Variants in KIRREL1 observed in about 807,000 individuals in gnomAD.
KIRREL1 encodes the protein kin of IRRE-like protein 1.
In KIRREL1, 25 loss-of-function variants were observed where a neutral mutation model predicts 83.3. That is an observed-to-expected ratio of 0.30 (90% CI 0.22 to 0.42). The LOEUF (loss-of-function observed/expected upper bound fraction) is 0.42, where lower values mean the gene tolerates loss of function less well. Among genes scored for constraint, KIRREL1 ranks in the 10% least tolerant of loss-of-function variants. The probability of loss-of-function intolerance (pLI) is 1.00; values close to 1 mark genes in which losing one functional copy is unlikely to be tolerated. For missense variants in KIRREL1, 812 were observed against 1,032.3 expected (o/e 0.79, Z 2.92); for synonymous variants, 388 against 410.4 (o/e 0.95, Z 0.66).
chr1:158,073,314 C>A (rs1326950052), intron 1 of KIRREL1, among the ~76,000 whole-genome samples: 1 of 152,218 alleles, frequency 6.6e-6, no homozygotes, highest in Non-Finnish European at 1.5e-5. Flanking sequence ...AACTTCAAAA[C>A]TGCCAGAAAG....
intron 1 of KIRREL1, chr1:158,025,435 G>A (rs1220397670): frequency 6.6e-6 from 1 of 152,092 alleles, no homozygotes; most frequent in Non-Finnish European, 1.5e-5. Flanking sequence ...CTCTGAGGAG[G>A]GACAAAGGCT....
chr1:158,032,182 T>A (rs1305873765), intron 1 of KIRREL1, among the ~76,000 whole-genome samples: 1 of 152,096 alleles, frequency 6.6e-6, no homozygotes, highest in Non-Finnish European at 1.5e-5. Flanking sequence ...TGATGGGAAC[T>A]GGGGACTGGT....
chr1:158,047,260 C>T (rs1309738147), intron 1 of KIRREL1, among the ~76,000 whole-genome samples: 1 of 152,160 alleles, frequency 6.6e-6, no homozygotes, highest in Admixed American at 6.5e-5. Flanking sequence ...GGCCTAGGCA[C>T]CAGGGGTCGT....
At chr1:158,067,057 G>C (rs1411703182) in intron 1 of KIRREL1, among the ~76,000 whole-genome samples, 3 of 152,168 alleles carry the variant, frequency 2.0e-5, no homozygotes, top group South Asian at 4.1e-4. Context: ...GCATAGAGCT[G>C]TCCTACTAGG....
chr1:158,026,967 G>A (rs979470419), intron 1 of KIRREL1, among the ~76,000 whole-genome samples: 41 of 152,280 alleles, frequency 2.7e-4, no homozygotes, highest in African/African-American at 9.4e-4. Context: ...CAGTAAGCAA[G>A]CAATCCTTTA....
intron 1 of KIRREL1, among the ~76,000 whole-genome samples, chr1:158,074,845 G>A (rs552713318): frequency 4.5e-4 from 69 of 152,326 alleles, no homozygotes; most frequent in African/African-American, 1.5e-3. Context: ...GAGTGATGAT[G>A]GGGCAGATAA....
intron 1 of KIRREL1, among the ~76,000 whole-genome samples, chr1:158,058,370 A>C (rs1661123817): frequency 6.6e-6 from 1 of 152,136 alleles, no homozygotes; most frequent in African/African-American, 2.4e-5. Context: ...CGAGTTATTA[A>C]AAATCCTTCA....
chr1:158,001,534 C>T (rs910309519), intron 1 of KIRREL1, among the ~76,000 whole-genome samples: 6 of 152,218 alleles, frequency 3.9e-5, no homozygotes, highest in Admixed American at 2.6e-4. Flanking sequence ...TCATTGGTGC[C>T]GTGATAGCAG....
intron 1 of KIRREL1, among the ~76,000 whole-genome samples, chr1:158,005,853 A>G (rs893895160): frequency 4.6e-5 from 7 of 152,034 alleles, no homozygotes; most frequent in Non-Finnish European, 1.0e-4. Context: ...TGCGCGCAGA[A>G]CCCCAGGCTG....
intron 1 of KIRREL1, among the ~76,000 whole-genome samples, chr1:158,032,535 T>G (rs1195574918): frequency 2.1e-5 from 3 of 144,196 alleles, no homozygotes; most frequent in Non-Finnish European, 4.4e-5. Context: ...AAGGCAGAAT[T>G]TAAAAACTAT....
Position 157,993,770 on chromosome 1 carries a change from C to G in KIRREL1, c.52+42C>G, listed in dbSNP as rs1352072088. ...CACCCCCGGACGCTCGGCTTCCCCC[C>G]GGGGCCGGGGCACTGCTTCCCCGGT... On this transcript the variant is annotated intron_variant, in intron 1 of 14. Coordinates refer to ENST00000359209, the MANE Select transcript of KIRREL1 (RefSeq NM_018240.7). 10 of 1,332,868 alleles carry G rather than the reference C, an allele frequency of 7.5e-6. No individual in the cohort carries two copies. The South Asian group carries it at 1.2e-4, about 16-fold the overall frequency. 82.6% of individuals were successfully genotyped at this position (1,332,868 alleles called of 1,614,324 possible).
At chr1:158,065,434 G>C (rs2101610858) in intron 1 of KIRREL1, among the ~76,000 whole-genome samples, 1 of 152,300 alleles carries the variant, frequency 6.6e-6, no homozygotes, top group Middle Eastern at 3.4e-3. Context: ...AGAGGGGATG[G>C]CTTTACTAAA....
intron 1 of KIRREL1, among the ~76,000 whole-genome samples, chr1:158,042,790 C>T (rs1445100121): frequency 6.6e-6 from 1 of 151,732 alleles, no homozygotes; most frequent in Admixed American, 6.6e-5. Flanking sequence ...ATTAGCTTTG[C>T]CGGCTGGGCA....
At chr1:158,086,848 T>G in intron 5 of KIRREL1, 102 bp downstream of exon 5, 1 of 1,117,478 alleles carries the variant, frequency 8.9e-7, no homozygotes, top group Non-Finnish European at 1.3e-6. Flanking sequence ...AGAGTCCCCC[T>G]ATGGTCCCCA....
intron 1 of KIRREL1, among the ~76,000 whole-genome samples, chr1:158,067,362 A>G (rs1661383041): frequency 6.6e-6 from 1 of 152,092 alleles, no homozygotes; most frequent in Admixed American, 6.5e-5. Context: ...AGTGACACAC[A>G]CCCACAGACC....
chr1:158,025,965 G>C (rs1358293788), intron 1 of KIRREL1, among the ~76,000 whole-genome samples: 1 of 152,052 alleles, frequency 6.6e-6, no homozygotes, highest in East Asian at 1.9e-4. Context: ...AAGTAGGAGT[G>C]CTGAGCTGGC....
chr1:158,080,844 T>C (rs1661828582), intron 3 of KIRREL1, among the ~76,000 whole-genome samples: 1 of 152,216 alleles, frequency 6.6e-6, no homozygotes, highest in Non-Finnish European at 1.5e-5. Flanking sequence ...TAAGAAGGCA[T>C]GACACTTCCT....
chr1:158,025,091 G>C (rs972859148), intron 1 of KIRREL1, among the ~76,000 whole-genome samples: 4 of 152,170 alleles, frequency 2.6e-5, no homozygotes, highest in Non-Finnish European at 5.9e-5. Flanking sequence ...CCTGCAAACT[G>C]ACCTGTCACT....
intron 1 of KIRREL1, among the ~76,000 whole-genome samples, chr1:158,015,436 G>C (rs543944280): frequency 6.6e-6 from 1 of 152,222 alleles, no homozygotes; most frequent in African/African-American, 2.4e-5. Flanking sequence ...TGGGAACCAA[G>C]ATGGAATGGT....
Sources: gnomAD v4.1 joint callset for allele counts (sites outside exome capture counted in the v4.1 genomes callset) on GRCh38, gnomAD v4.1.1 for gene constraint, MANE v1.5 for transcripts, NCBI Gene and HGNC (gene_info 2026-07-23, HGNC 2026-07-21) for gene names.